The following LRMDA variants were observed in gnomAD, a reference collection of about 807,000 sequenced individuals.
LRMDA encodes the protein leucine rich melanocyte differentiation associated.
Under a neutral mutation model 29.8 loss-of-function variants are expected in LRMDA, and 18 were observed. The observed-to-expected ratio is 0.60, with a 90% CI of 0.42 to 0.90. LRMDA has a LOEUF of 0.90. LRMDA is among the 40% of genes least tolerant of loss of function. The pLI is 0.00. For synonymous variants in LRMDA, 125 were observed against 109.4 expected, an observed-to-expected ratio of 1.14 and a Z score of -0.89; for missense variants, 273 against 273.9, an observed-to-expected ratio of 1.00 and a Z score of 0.02.
intron 2 of LRMDA, among the ~76,000 whole-genome samples, chr10:75,791,715 A>T (rs1272934333): frequency 6.6e-6 from 1 of 152,144 alleles, no homozygotes; most frequent in Non-Finnish European, 1.5e-5. Flanking sequence ...CGGCCTCTCC[A>T]TTACCAGGTT....
intron 5 of LRMDA, among the ~76,000 whole-genome samples, chr10:76,240,145 A>T (rs1446811991): frequency 6.6e-6 from 1 of 151,438 alleles, no homozygotes; most frequent in Admixed American, 6.6e-5. Context: ...GCTCAACATC[A>T]CTAATTATCA....
intron 6 of LRMDA, among the ~76,000 whole-genome samples, chr10:76,550,095 G>A (rs78831538): frequency 0.02 from 3,117 of 152,200 alleles, 55 homozygotes; most frequent in African/African-American, 0.055. Flanking sequence ...TAAAAATTAC[G>A]TGATAAAGAA....
At chr10:75,968,308 G>A (rs116489735) in intron 2 of LRMDA, among the ~76,000 whole-genome samples, 228 of 152,222 alleles carry the variant, frequency 1.5e-3, no homozygotes, top group African/African-American at 5.3e-3. Context: ...CATGGAAAAG[G>A]GAGGCATTTC....
intron 6 of LRMDA, among the ~76,000 whole-genome samples, chr10:76,342,054 T>C (rs1022808686): frequency 2.6e-5 from 4 of 152,166 alleles, no homozygotes; most frequent in Non-Finnish European, 4.4e-5. Context: ...TGACTGATTT[T>C]GGCAAATACA....
chr10:76,028,381 G>C (rs1240960278), intron 2 of LRMDA, among the ~76,000 whole-genome samples: 2 of 151,930 alleles, frequency 1.3e-5, no homozygotes. Context: ...CTGTTAGAAG[G>C]GTTGCAAATA....
chr10:75,773,013 A>G (rs1449027872), intron 2 of LRMDA, among the ~76,000 whole-genome samples: 5 of 152,200 alleles, frequency 3.3e-5, no homozygotes, highest in Admixed American at 3.3e-4. Flanking sequence ...AAAGCTCTCC[A>G]TCTTGTTAAA....
chr10:76,089,437 G>A (rs908400429), intron 5 of LRMDA, among the ~76,000 whole-genome samples: 21 of 152,250 alleles, frequency 1.4e-4, no homozygotes, highest in African/African-American at 4.3e-4. Flanking sequence ...GGAAGATGAA[G>A]TAGAAAGTTT....
At chr10:75,829,253 C>T (rs1844297842) in intron 2 of LRMDA, among the ~76,000 whole-genome samples, 1 of 152,014 alleles carries the variant, frequency 6.6e-6, no homozygotes, top group South Asian at 2.1e-4. Context: ...AAGGCCAGCT[C>T]AACACTTCAG....
At chr10:76,195,413 A>C (rs190740655) in intron 5 of LRMDA, among the ~76,000 whole-genome samples, 12 of 152,312 alleles carry the variant, frequency 7.9e-5, no homozygotes, top group Non-Finnish European at 1.5e-4. Context: ...TCATTTGTCC[A>C]TCTAATTAGC....
intron 5 of LRMDA, among the ~76,000 whole-genome samples, chr10:76,252,608 C>T (rs1175437138): frequency 1.3e-5 from 2 of 152,166 alleles, no homozygotes; most frequent in East Asian, 3.9e-4. Flanking sequence ...CAGGTTTTAA[C>T]TGTTATAAAT....
intron 2 of LRMDA, among the ~76,000 whole-genome samples, chr10:75,692,857 A>G (rs569928549): frequency 6.6e-5 from 10 of 152,222 alleles, no homozygotes; most frequent in African/African-American, 2.2e-4. Flanking sequence ...CCTTGCCTCT[A>G]TAATGCTGAG....
intron 5 of LRMDA, among the ~76,000 whole-genome samples, chr10:76,304,735 C>T (rs1230910457): frequency 2.8e-4 from 43 of 152,154 alleles, no homozygotes; most frequent in Admixed American, 2.7e-3. Context: ...TGGAGTAGGG[C>T]GCTGCCCTCA....
chr10:75,916,735 C>T (rs890834652), intron 2 of LRMDA, among the ~76,000 whole-genome samples: 2 of 152,216 alleles, frequency 1.3e-5, no homozygotes, highest in Non-Finnish European at 2.9e-5. Context: ...GAAAGTTCTC[C>T]ATCTCCAGGT....
chr10:76,117,384 G>A (rs1849684639), intron 5 of LRMDA, among the ~76,000 whole-genome samples: 1 of 152,004 alleles, frequency 6.6e-6, no homozygotes, highest in East Asian at 1.9e-4. Context: ...TCTTGTTGTG[G>A]GACAAACTGG....
chr10:76,531,920 A>C (rs1313990890), intron 6 of LRMDA, among the ~76,000 whole-genome samples: 1 of 152,138 alleles, frequency 6.6e-6, no homozygotes, highest in East Asian at 1.9e-4. Flanking sequence ...AGTTATCTTC[A>C]TGGGCCAATA....
chr10:75,578,215 CAAAAAAA>C (rs1183989010), intron 2 of LRMDA, among the ~76,000 whole-genome samples: 11 of 14,226 alleles, frequency 7.7e-4, no homozygotes, highest in Admixed American at 4.7e-3. Flanking sequence ...AAATGGAAAG[CAAAAAAA>C]AAAAAAAAAA....
At chr10:75,586,919 A>G (rs893033996) in intron 2 of LRMDA, among the ~76,000 whole-genome samples, 7 of 151,868 alleles carry the variant, frequency 4.6e-5, no homozygotes, top group African/African-American at 1.5e-4. Context: ...CTCCCATTCT[A>G]TAAGTTGCCT....
intron 2 of LRMDA, among the ~76,000 whole-genome samples, chr10:75,465,997 C>A (rs528575231): frequency 1.3e-5 from 2 of 152,176 alleles, no homozygotes; most frequent in African/African-American, 4.8e-5. Context: ...AAAAGATTAG[C>A]CATAGGCACT....
At chr10:75,902,734 A>T (rs1430336410) in intron 2 of LRMDA, among the ~76,000 whole-genome samples, 4 of 151,972 alleles carry the variant, frequency 2.6e-5, no homozygotes, top group African/African-American at 4.8e-5. Flanking sequence ...TCTGCCTTGT[A>T]TTCTGTCCTC....
Sources: allele counts gnomAD v4.1 joint callset (sites outside exome capture counted in the v4.1 genomes callset), GRCh38; gene constraint gnomAD v4.1.1; transcripts MANE v1.5; gene names NCBI Gene and HGNC (gene_info 2026-07-23, HGNC 2026-07-21).